The following BHLHE22 variants were observed in gnomAD, a reference collection of about 807,000 sequenced individuals.
BHLHE22 encodes the protein class E basic helix-loop-helix protein 22.
A neutral mutation model predicts 17.6 loss-of-function variants in BHLHE22; 8 were observed. That is an observed-to-expected ratio of 0.45 (90% CI 0.27 to 0.82). The LOEUF (loss-of-function observed/expected upper bound fraction) is 0.82, where lower values mean the gene tolerates loss of function less well. Among genes scored for constraint, BHLHE22 ranks in the 40% least tolerant of loss-of-function variants. The probability of loss-of-function intolerance (pLI) is 0.16; values close to 1 mark genes in which losing one functional copy is unlikely to be tolerated. For synonymous variants in BHLHE22, 353 were observed against 282.7 expected (o/e 1.25, Z -2.49); for missense variants, 570 against 581.5 (o/e 0.98, Z 0.20).
At position 64,581,058 on chromosome 8, in the gene BHLHE22, A is replaced by AGTG. The variant is rs2129629357; in HGVS notation, c.270_272dup (p.Gly97dup). ...AGGAGGCGGCGGCGGCAGCGCGGGA[A>AGTG]GTGGCGGCGGCGGCGGCGGCGGGGT... On this transcript the variant is annotated inframe_insertion, in exon 1 of 1. Coordinates refer to ENST00000321870, the MANE Select transcript of BHLHE22 (RefSeq NM_152414.5). The surrounding 1 kb of genome is among the most constrained non-coding windows in gnomAD (Gnocchi z 6.4). 1 of 1,315,426 alleles carries AGTG rather than the reference A, an allele frequency of 7.6e-7. No homozygotes were observed. Among genetic ancestry groups the AGTG allele is most frequent in the Non-Finnish European group, 9.6e-7 (1 of 1,045,364 alleles). The allele number at this position is 1,315,426 out of a possible 1,614,324, so 81.5% of individuals were successfully genotyped here.
Position 64,581,233 on chromosome 8 carries a change from CCGA to C in BHLHE22, c.451_453del (p.Asp151del). 2 of 1,455,058 alleles carry C rather than the reference CCGA, an allele frequency of 1.4e-6. No individual in the cohort carries two copies. The highest frequency in any genetic ancestry group is 1.8e-6 in the Non-Finnish European group (2 of 1,114,942). The allele number at this position is 1,455,058 out of a possible 1,614,324, so 90.1% of individuals were successfully genotyped here. A position where few individuals can be genotyped will look rare whatever the true frequency, so the allele number is the denominator to read the frequency against. Reference sequence around the variant, plus strand: ...GAGAGCAGCGGCGGCGAGCAGAGCCCCGACGACGACAGCGACGGTCGCTGCGAG... The same window carrying C: ...GAGAGCAGCGGCGGCGAGCAGAGCCCCGACGACAGCGACGGTCGCTGCGAG... On this transcript the variant is annotated inframe_deletion, in exon 1 of 1. Transcript: ENST00000321870. This position sits in a 1 kb window ranked among gnomAD's most constrained non-coding sequence, Gnocchi z 6.4.
chr8:64,580,824 G>T lies in BHLHE22; in HGVS notation c.34G>T (p.Ala12Ser). 1 of 1,452,922 alleles carries T rather than the reference G, an allele frequency of 6.9e-7. No homozygotes were observed. The highest frequency in any genetic ancestry group is 9.0e-7 in the Non-Finnish European group (1 of 1,106,508). The allele number at this position is 1,452,922 out of a possible 1,614,324, so 90.0% of individuals were successfully genotyped here. A position where few individuals can be genotyped will look rare whatever the true frequency, so the allele number is the denominator to read the frequency against. Residue 12 changes from alanine (A) to serine (S), a missense_variant, in exon 1 of 1, where the codon GCC (alanine) becomes TCC (serine). Physicochemically the swap from Ala to Ser is moderately conservative, Grantham distance 99. Coordinates refer to ENST00000321870, the MANE Select transcript of BHLHE22 (RefSeq NM_152414.5). Reference protein sequence around the residue: ...ERGMHLGAAAAGEDDLFLHKS... With the variant: ...ERGMHLGAAASGEDDLFLHKS... ...CGGGATGCACCTCGGTGCAGCGGCC[G>T]CCGGCGAGGACGACCTCTTCCTGCA...
rs571349876 is a variant in BHLHE22 at position 64,583,101 on chromosome 8, A to G, written c.*1165A>G. On this transcript the variant is annotated 3_prime_UTR_variant, in exon 1 of 1. Transcript: ENST00000321870. ...ATCACAGCAATAGTTGCTATACGTA[A>G]GAACATGCTAAGCAAATATTTTTCC... The G allele has an allele frequency of 5.4e-5, 9 of 167,244 alleles. No homozygotes were observed. Among genetic ancestry groups the G allele is most frequent in the African/African-American group, 2.2e-4 (9 of 41,592 alleles). The allele number at this position is 167,244 out of a possible 1,614,324, so 10.4% of individuals were successfully genotyped here.
Position 64,581,556 on chromosome 8 carries a change from C to T in BHLHE22, c.766C>T (p.His256Tyr). The T allele has an allele frequency of 6.2e-7, 1 of 1,611,198 alleles. No homozygotes were observed. Residue 256 changes from histidine to tyrosine, a missense_variant, in exon 1 of 1, where the codon CAC becomes TAC. By Grantham distance (83) the His-to-Tyr change is moderately conservative. Around this residue, in one of 3 missense-constraint regions of BHLHE22, gnomAD observed 32 missense variants for 83.3 expected, o/e 0.38. Transcript: ENST00000321870. The surrounding 1 kb of genome is among the most constrained non-coding windows in gnomAD (Gnocchi z 6.4). ...NINARERRRM[H>Y]DLNDALDELR... ...CAATGCCCGAGAGCGCCGGCGGATGCACGACCTGAACGACGCGCTGGACGA... is the reference window on the plus strand; with the variant it reads ...CAATGCCCGAGAGCGCCGGCGGATGTACGACCTGAACGACGCGCTGGACGA...
chr8:64,581,297 C>T lies in BHLHE22; in HGVS notation c.507C>T (p.Ala169=), dbSNP rs752683204. The stretch of plus-strand genomic sequence containing the variant: ...GGGCCGGAGTAGCCGACCCGCGGGC[C>T]TCCCCGGGAGCGGGAGGTGGTGGCG... ...VLRAGVADPR[A]SPGAGGGGAK... Residue 169 remains alanine, a synonymous_variant, in exon 1 of 1, where the codon GCC becomes GCT. Transcript: ENST00000321870. The surrounding 1 kb of genome is among the most constrained non-coding windows in gnomAD (Gnocchi z 6.4). 2 of 1,429,774 alleles carry T rather than the reference C, an allele frequency of 1.4e-6. No homozygotes were observed. The highest frequency in any genetic ancestry group is 5.7e-5 in the East Asian group (2 of 35,150). The allele number at this position is 1,429,774 out of a possible 1,614,324, so 88.6% of individuals were successfully genotyped here.
At position 64,580,910 on chromosome 8, in the gene BHLHE22, G is replaced by C. The variant is rs573703828; in HGVS notation, c.120G>C (p.Pro40=). 4 of 1,521,526 alleles carry C rather than the reference G, an allele frequency of 2.6e-6. No individual in the cohort carries two copies. Among genetic ancestry groups the C allele is most frequent in the Non-Finnish European group, 2.6e-6 (3 of 1,144,720 alleles). The allele number at this position is 1,521,526 out of a possible 1,614,324, so 94.3% of individuals were successfully genotyped here. Residue 40 remains proline, a synonymous_variant, in exon 1 of 1, where the codon CCG becomes CCC. Coordinates refer to ENST00000321870, the MANE Select transcript of BHLHE22 (RefSeq NM_152414.5). ...AAGCGGCTTTCCGCTCCACGCCCCC[G>C]GGCATGGACCTGTCCCTGGCGCCGC... The part of the protein sequence containing the change: ...RLEAAFRSTP[P]GMDLSLAPPP...
In BHLHE22 at chr8:64,581,229, A is replaced by G; in HGVS notation, c.439A>G (p.Ser147Gly). 6.9e-7 allele frequency: 1 copy of G among 1,454,234 alleles called. No individual in the cohort carries two copies. The highest frequency in any genetic ancestry group is 9.0e-7 in the Non-Finnish European group (1 of 1,114,760). The allele number at this position is 1,454,234 out of a possible 1,614,324, so 90.1% of individuals were successfully genotyped here. The change falls in exon 1 of 1, where the codon AGC becomes GGC. Residue 147 changes from serine (S) to glycine (G), a missense_variant. Coordinates refer to ENST00000321870, the MANE Select transcript of BHLHE22 (RefSeq NM_152414.5). The surrounding 1 kb of genome is among the most constrained non-coding windows in gnomAD (Gnocchi z 6.4). Reference protein sequence around the residue: ...SVAESSGGEQSPDDDSDGRCE... With the variant: ...SVAESSGGEQGPDDDSDGRCE... ...GGCCGAGAGCAGCGGCGGCGAGCAG[A>G]GCCCCGACGACGACAGCGACGGTCG...
Position 64,581,906 on chromosome 8 carries a change from C to T in BHLHE22, c.1116C>T (p.Ser372=), listed in dbSNP as rs763524669. 2 of 1,611,520 alleles carry T rather than the reference C, an allele frequency of 1.2e-6. No individual in the cohort carries two copies. The highest frequency in any genetic ancestry group is 2.2e-5 in the South Asian group (2 of 90,930). The change falls in exon 1 of 1, where the codon AGC becomes AGT. Residue 372 remains serine (S), a synonymous_variant. Coordinates refer to ENST00000321870, the MANE Select transcript of BHLHE22 (RefSeq NM_152414.5). This position sits in a 1 kb window ranked among gnomAD's most constrained non-coding sequence, Gnocchi z 6.4. ...KCALFNSVSS[S]LCKQCTEKP is the part of the protein sequence containing the mutation. ...CCCTGTTTAACAGCGTCTCCTCCAG[C>T]CTCTGCAAACAGTGCACGGAGAAGC...
rs1351723324 is a variant in BHLHE22, at chr8:64,581,072, CGGCGGCGGG to C, written c.284_292del (p.Gly95_Gly97del). The C allele has an allele frequency of 3.0e-6, 4 of 1,324,284 alleles. No homozygotes were observed. The highest frequency in any genetic ancestry group is 4.1e-5 in the Admixed American group (1 of 24,236). The allele number at this position is 1,324,284 out of a possible 1,614,324, so 82.0% of individuals were successfully genotyped here. ...GCAGCGCGGGAAGTGGCGGCGGCGG[CGGCGGCGGG>C]GTGGGTGTCCCCGGGCTGCTAGTAG... On this transcript the variant is annotated inframe_deletion, in exon 1 of 1. Coordinates refer to ENST00000321870, the MANE Select transcript of BHLHE22 (RefSeq NM_152414.5). This position sits in a 1 kb window ranked among gnomAD's most constrained non-coding sequence, Gnocchi z 6.4.
At position 64,581,746 on chromosome 8, in the gene BHLHE22, C is replaced by T; in HGVS notation, c.956C>T (p.Ala319Val). ...YLNQGQAISA[A>V]SLPSSAAAAA... The stretch of plus-strand genomic sequence containing the variant: ...AACCAGGGCCAGGCCATCTCGGCTG[C>T]CTCCCTGCCCAGCTCGGCGGCTGCA... The change falls in exon 1 of 1, where the codon GCC (alanine) becomes GTC (valine). Residue 319 changes from alanine (A) to valine (V), a missense_variant. Physicochemically the swap from Ala to Val is moderately conservative, Grantham distance 64. Coordinates refer to ENST00000321870, the MANE Select transcript of BHLHE22 (RefSeq NM_152414.5). This position sits in a 1 kb window ranked among gnomAD's most constrained non-coding sequence, Gnocchi z 6.4. The T allele has an allele frequency of 6.2e-7, 1 of 1,600,634 alleles. No homozygotes were observed. The highest frequency in any genetic ancestry group is 8.5e-7 in the Non-Finnish European group (1 of 1,175,420).
rs1804932712 is a variant in BHLHE22, at chr8:64,583,412, G to C, written c.*1476G>C. 1 of 167,030 alleles carries C rather than the reference G, an allele frequency of 6.0e-6. No homozygotes were observed. Among genetic ancestry groups the C allele is most frequent in the African/African-American group, 2.4e-5 (1 of 41,444 alleles). The allele number at this position is 167,030 out of a possible 1,614,324, so 10.3% of individuals were successfully genotyped here. ...AATCAAGAAAATCTTTTTTAAAAAT[G>C]GAGTCCTGCTATTTTCCACTCCTTG... On this transcript the variant is annotated 3_prime_UTR_variant, in exon 1 of 1. Coordinates refer to ENST00000321870, the MANE Select transcript of BHLHE22 (RefSeq NM_152414.5).
Position 64,581,537 on chromosome 8 carries a change from C to G in BHLHE22, c.747C>G (p.Ala249=), listed in dbSNP as rs1340337576. Residue 249 remains alanine, a synonymous_variant, in exon 1 of 1, where the codon GCC becomes GCG. Transcript: ENST00000321870. This position sits in a 1 kb window ranked among gnomAD's most constrained non-coding sequence, Gnocchi z 6.4. ...AGGCGCTGCGGCTTAACATCAATGC[C>G]CGAGAGCGCCGGCGGATGCACGACC... is the stretch of plus-strand genomic sequence containing the variant. ...EQKALRLNIN[A]RERRRMHDLN... is the part of the protein sequence containing the mutation. The G allele has an allele frequency of 5.6e-6, 9 of 1,608,906 alleles. No individual in the cohort carries two copies. The South Asian group carries it at 6.6e-5, about 12-fold the overall frequency.
In BHLHE22 at chr8:64,580,715, G is replaced by T; in HGVS notation, c.-76G>T. On this transcript the variant is annotated 5_prime_UTR_variant, in exon 1 of 1. Transcript: ENST00000321870. The stretch of plus-strand genomic sequence containing the variant: ...AGCCCAGCTCGCGCGCGTCTGTGGG[G>T]CCGCCTGACTCCGGGGCCGAGGCGG... 1 of 945,228 alleles carries T rather than the reference G, an allele frequency of 1.1e-6. No individual in the cohort carries two copies. Among genetic ancestry groups the T allele is most frequent in the Non-Finnish European group, 1.3e-6 (1 of 788,848 alleles). The allele number at this position is 945,228 out of a possible 1,614,324, so 58.6% of individuals were successfully genotyped here.
Position 64,581,399 on chromosome 8 carries a change from C to A in BHLHE22, c.609C>A (p.Gly203=). 1.3e-6 allele frequency: 2 copies of A among 1,524,966 alleles called. No individual in the cohort carries two copies. Among genetic ancestry groups the A allele is most frequent in the Non-Finnish European group, 1.8e-6 (2 of 1,141,776 alleles). The allele number at this position is 1,524,966 out of a possible 1,614,324, so 94.5% of individuals were successfully genotyped here. A position where few individuals can be genotyped will look rare whatever the true frequency, so the allele number is the denominator to read the frequency against. Residue 203 remains glycine (G), a synonymous_variant, in exon 1 of 1, where the codon GGC becomes GGA. Transcript: ENST00000321870. The surrounding 1 kb of genome is among the most constrained non-coding windows in gnomAD (Gnocchi z 6.4). ...ASVPPGGLGG[G]GGGGSSSGSS... ...TCCCCCCGGGGGGCCTGGGCGGCGG[C>A]GGCGGCGGGGGTAGCAGCAGCGGTA...
At position 64,582,893 on chromosome 8, in the gene BHLHE22, T is replaced by C. The variant is rs1208769524; in HGVS notation, c.*957T>C. 2 of 167,026 alleles carry C rather than the reference T, an allele frequency of 1.2e-5. No individual in the cohort carries two copies. The highest frequency in any genetic ancestry group is 1.3e-4 in the Admixed American group (2 of 15,290). The allele number at this position is 167,026 out of a possible 1,614,324, so 10.3% of individuals were successfully genotyped here. A position where few individuals can be genotyped will look rare whatever the true frequency, so the allele number is the denominator to read the frequency against. On this transcript the variant is annotated 3_prime_UTR_variant, in exon 1 of 1. Coordinates refer to ENST00000321870, the MANE Select transcript of BHLHE22 (RefSeq NM_152414.5). Reference sequence around the variant, plus strand: ...AAGTATGAAGAGAAATATTGATGTATCTGAGCTGCTTAGGTTTATGAAAGG... The same window carrying C: ...AAGTATGAAGAGAAATATTGATGTACCTGAGCTGCTTAGGTTTATGAAAGG...
At position 64,581,114 on chromosome 8, in the gene BHLHE22, C is replaced by G; in HGVS notation, c.324C>G (p.Ala108=). The G allele has an allele frequency of 1.5e-6, 2 of 1,367,408 alleles. No homozygotes were observed. The highest frequency in any genetic ancestry group is 3.8e-5 in the South Asian group (2 of 52,432). The allele number at this position is 1,367,408 out of a possible 1,614,324, so 84.7% of individuals were successfully genotyped here. Residue 108 remains alanine (A), a synonymous_variant, in exon 1 of 1, where the codon GCC becomes GCG. Coordinates refer to ENST00000321870, the MANE Select transcript of BHLHE22 (RefSeq NM_152414.5). The surrounding 1 kb of genome is among the most constrained non-coding windows in gnomAD (Gnocchi z 6.4). ...TCCCCGGGCTGCTAGTAGGTTCAGCCGGCGTTGGGGGCGACCCTAGCCTAA... is the reference window on the plus strand; with the variant it reads ...TCCCCGGGCTGCTAGTAGGTTCAGCGGGCGTTGGGGGCGACCCTAGCCTAA... ...VGVPGLLVGS[A]GVGGDPSLSS...
rs1302647815 is a variant in BHLHE22 at position 64,581,253 on chromosome 8, C to G, written c.463C>G (p.Arg155Gly). 6.9e-7 allele frequency: 1 copy of G among 1,450,056 alleles called. No homozygotes were observed. Among genetic ancestry groups the G allele is most frequent in the Non-Finnish European group, 9.0e-7 (1 of 1,113,748 alleles). 89.8% of individuals were successfully genotyped at this position (1,450,056 alleles called of 1,614,324 possible). A position where few individuals can be genotyped will look rare whatever the true frequency, so the allele number is the denominator to read the frequency against. The change falls in exon 1 of 1, where the codon CGC (arginine) becomes GGC (glycine). Residue 155 changes from arginine to glycine, a missense_variant. Arg to Gly is a moderately radical substitution (Grantham distance 125). Around this residue, in one of 3 missense-constraint regions of BHLHE22, gnomAD observed 427 missense variants for 376.2 expected, o/e 1.14. Transcript: ENST00000321870. The surrounding 1 kb of genome is among the most constrained non-coding windows in gnomAD (Gnocchi z 6.4). ...GAGCCCCGACGACGACAGCGACGGT[C>G]GCTGCGAGCTCGTGCTGCGGGCCGG... ...EQSPDDDSDGRCELVLRAGVA... is the reference protein window; with the variant it reads ...EQSPDDDSDGGCELVLRAGVA...
chr8:64,580,404 G>T lies in BHLHE22; in HGVS notation c.-387G>T. ...CGTCTGTGGCGGCGGCTGTTTGATG[G>T]GTCCGGAAATCTCTTGAAGGTGAAT... is the stretch of plus-strand genomic sequence containing the variant. On this transcript the variant is annotated 5_prime_UTR_variant, in exon 1 of 1. Coordinates refer to ENST00000321870, the MANE Select transcript of BHLHE22 (RefSeq NM_152414.5). The T allele has an allele frequency of 6.5e-6, 1 of 153,168 alleles. No individual in the cohort carries two copies. Among genetic ancestry groups the T allele is most frequent in the South Asian group, 2.0e-4 (1 of 5,128 alleles). The allele number at this position is 153,168 out of a possible 1,614,324, so 9.5% of individuals were successfully genotyped here.
chr8:64,581,941 A>AC lies in BHLHE22; in HGVS notation c.*10dup, dbSNP rs1193388509. On this transcript the variant is annotated 3_prime_UTR_variant, in exon 1 of 1. Transcript: ENST00000321870. This position sits in a 1 kb window ranked among gnomAD's most constrained non-coding sequence, Gnocchi z 6.4. ...CAGTGCACGGAGAAGCCTTAAACAC[A>AC]CCCCCGAAAAACACAAGACCGACCC... The AC allele has an allele frequency of 5.0e-6, 8 of 1,610,928 alleles. No homozygotes were observed. In the South Asian group the frequency reaches 8.8e-5, roughly 18 times the overall value.
Sources: allele counts gnomAD v4.1 joint callset, GRCh38; gene constraint gnomAD v4.1.1; regional missense constraint gnomAD v4.1.1; non-coding constraint Gnocchi (gnomAD v3.1); transcripts MANE v1.5; gene names NCBI Gene and HGNC (gene_info 2026-07-23, HGNC 2026-07-21).